BRINP2: variants seen among roughly 807,000 people sequenced by gnomAD.
BRINP2 encodes the protein BMP/retinoic acid-inducible neural-specific protein 2.
In BRINP2, 21 loss-of-function variants were observed where a neutral mutation model predicts 69.2. The observed-to-expected ratio is 0.30, with a 90% confidence interval of 0.22 to 0.44. The LOEUF (loss-of-function observed/expected upper bound fraction) is 0.44, where lower values mean the gene tolerates loss of function less well. Ranked by LOEUF, BRINP2 falls within the 20% of genes least tolerant of loss-of-function variation. The pLI is 1.00. For synonymous variants in BRINP2, 380 were observed against 394.1 expected (o/e 0.96, Z 0.42); for missense variants, 877 against 986.0 (o/e 0.89, Z 1.48).
intron 4 of BRINP2, among the ~76,000 whole-genome samples, chr1:177,269,126 T>C (rs185712950): frequency 4.0e-4 from 61 of 152,302 alleles, no homozygotes; most frequent in Non-Finnish European, 6.5e-4. Flanking sequence ...GATTTCCTTT[T>C]GATGGTAACC....
At chr1:177,214,685 G>C (rs942915683) in intron 1 of BRINP2, among the ~76,000 whole-genome samples, 2 of 152,166 alleles carry the variant, frequency 1.3e-5, no homozygotes, top group African/African-American at 4.8e-5. Flanking sequence ...TTGGTTGAAG[G>C]CTAAATGAGA....
At position 177,255,922 on chromosome 1, in the gene BRINP2, G is replaced by T. The variant is rs1650740760; in HGVS notation, c.273G>T (p.Glu91Asp). The part of the protein sequence containing the change: ...GFTTRYRIYR[E>D]FARWKVNNLA... ...TATCCCTTGGCTTTTCCCCCAGGGAGTTTGCCCGTTGGAAGGTGAACAACT... is the reference window on the plus strand; with the variant it reads ...TATCCCTTGGCTTTTCCCCCAGGGATTTTGCCCGTTGGAAGGTGAACAACT... Residue 91 changes from glutamate (E) to aspartate (D), a missense_variant, in exon 3 of 8, where the codon GAG (glutamate) becomes GAT (aspartate). Coordinates refer to ENST00000361539, the MANE Select transcript of BRINP2 (RefSeq NM_021165.4). 6.2e-7 allele frequency: 1 copy of T among 1,613,906 alleles called. No individual in the cohort carries two copies. Among genetic ancestry groups the T allele is most frequent in the Non-Finnish European group, 8.5e-7 (1 of 1,179,946 alleles).
At chr1:177,262,843 G>T (rs1335925696) in intron 4 of BRINP2, among the ~76,000 whole-genome samples, 1 of 152,122 alleles carries the variant, frequency 6.6e-6, no homozygotes, top group Non-Finnish European at 1.5e-5. Flanking sequence ...GTGTTGGTTG[G>T]CTAGATAAAC....
chr1:177,209,832 C>T (rs574027176), intron 1 of BRINP2, among the ~76,000 whole-genome samples: 9 of 152,112 alleles, frequency 5.9e-5, no homozygotes, highest in African/African-American at 1.7e-4. Flanking sequence ...AGAAAAAGAG[C>T]TTTTATGATT....
intron 1 of BRINP2, among the ~76,000 whole-genome samples, chr1:177,216,969 G>A (rs532329095): frequency 3.9e-5 from 6 of 151,974 alleles, no homozygotes; most frequent in African/African-American, 1.4e-4. Flanking sequence ...ATTATTAAAT[G>A]TCTTGGTGAA....
intron 1 of BRINP2, among the ~76,000 whole-genome samples, chr1:177,186,656 A>T (rs557056854): frequency 1.2e-4 from 19 of 152,148 alleles, no homozygotes; most frequent in African/African-American, 4.3e-4. Flanking sequence ...CAGATCCTGG[A>T]TCTCTTCCAA....
intron 1 of BRINP2, among the ~76,000 whole-genome samples, chr1:177,184,058 T>G (rs890553074): frequency 6.6e-5 from 10 of 152,202 alleles, no homozygotes; most frequent in Non-Finnish European, 1.2e-4. Context: ...ACCCAGCTCC[T>G]TATAGGCCGA....
At chr1:177,253,578 T>C (rs1368399572) in intron 2 of BRINP2, among the ~76,000 whole-genome samples, 1 of 152,148 alleles carries the variant, frequency 6.6e-6, no homozygotes, top group African/African-American at 2.4e-5. Context: ...TTGTTGCCTG[T>C]GCTTTTGAGT....
chr1:177,188,319 CAA>C (rs752888379), intron 1 of BRINP2, among the ~76,000 whole-genome samples: 2 of 151,620 alleles, frequency 1.3e-5, no homozygotes, highest in Non-Finnish European at 2.9e-5. Flanking sequence ...ATAAAGCAGA[CAA>C]AAAAATAGAA....
At chr1:177,264,077 C>G (rs1345075952) in intron 4 of BRINP2, among the ~76,000 whole-genome samples, 1 of 152,112 alleles carries the variant, frequency 6.6e-6, no homozygotes, top group Non-Finnish European at 1.5e-5. Flanking sequence ...GTGAAAGCCT[C>G]TCTCCCCATT....
intron 1 of BRINP2, among the ~76,000 whole-genome samples, chr1:177,222,959 G>A (rs566868611): frequency 6.6e-6 from 1 of 152,294 alleles, no homozygotes; most frequent in South Asian, 2.1e-4. Flanking sequence ...GATCTGCAAG[G>A]AGATGAAGTT....
At chr1:177,197,720 G>T (rs1468670618) in intron 1 of BRINP2, among the ~76,000 whole-genome samples, 1 of 152,142 alleles carries the variant, frequency 6.6e-6, no homozygotes, top group African/African-American at 2.4e-5. Flanking sequence ...CACCAAAAAG[G>T]AAGAAAGATC....
chr1:177,188,700 G>T (rs1476924125), intron 1 of BRINP2, among the ~76,000 whole-genome samples: 2 of 152,094 alleles, frequency 1.3e-5, no homozygotes, highest in African/African-American at 4.8e-5. Flanking sequence ...AGGTACACGT[G>T]TTTTTTCCCA....
chr1:177,178,380 C>T (rs1419087535), intron 1 of BRINP2, among the ~76,000 whole-genome samples: 2 of 152,192 alleles, frequency 1.3e-5, no homozygotes, highest in Non-Finnish European at 2.9e-5. Flanking sequence ...AATAACCTCT[C>T]TGTGCATCTT....
chr1:177,245,742 C>T (rs1424741725), intron 2 of BRINP2, among the ~76,000 whole-genome samples: 2 of 152,176 alleles, frequency 1.3e-5, no homozygotes, highest in Admixed American at 6.5e-5. Context: ...GGCCCTCATT[C>T]CAGTGGGTCT....
chr1:177,235,617 G>C (rs1392977206), intron 2 of BRINP2, among the ~76,000 whole-genome samples: 1 of 152,184 alleles, frequency 6.6e-6, no homozygotes, highest in Non-Finnish European at 1.5e-5. Flanking sequence ...TTATCATCCG[G>C]ACCACGTCTC....
intron 3 of BRINP2, chr1:177,256,320 T>C (rs1038401124): frequency 1.0e-6 from 1 of 985,338 alleles, no homozygotes; most frequent in Non-Finnish European, 1.2e-6. Flanking sequence ...GGAGGGGAAG[T>C]TGGGTATGGC....
At chr1:177,279,367 A>G (rs1375614899) in intron 7 of BRINP2, among the ~76,000 whole-genome samples, 2 of 152,242 alleles carry the variant, frequency 1.3e-5, no homozygotes, top group Admixed American at 6.5e-5. Context: ...CATAAAAACT[A>G]GAAAATTATA....
chr1:177,259,119 T>C (rs563127161), intron 4 of BRINP2, among the ~76,000 whole-genome samples: 3 of 152,270 alleles, frequency 2.0e-5, no homozygotes, highest in African/African-American at 7.2e-5. Flanking sequence ...AAAAAGTCCT[T>C]GAAAGACATT....
Sources: allele counts gnomAD v4.1 joint callset (sites outside exome capture counted in the v4.1 genomes callset), GRCh38; gene constraint gnomAD v4.1.1; transcripts MANE v1.5; gene names NCBI Gene and HGNC (gene_info 2026-07-23, HGNC 2026-07-21).